Variants in CYFIP2 observed in about 807,000 individuals in gnomAD.
CYFIP2 encodes cytoplasmic FMR1 interacting protein 2.
A neutral mutation model predicts 158.7 loss-of-function variants in CYFIP2; 29 were observed. The ratio of observed to expected loss-of-function variants is 0.18; its 90% CI spans 0.14 to 0.25. The LOEUF is 0.25. Ranked by LOEUF, CYFIP2 falls within the 10% of genes least tolerant of loss-of-function variation. The pLI is 1.00. For synonymous variants in CYFIP2, 585 were observed against 617.6 expected, an observed-to-expected ratio of 0.95 and a Z score of 0.78; for missense variants, 852 against 1,639.5, an observed-to-expected ratio of 0.52 and a Z score of 8.29.
At chr5:157,352,966 C>T (rs942483524) in intron 23 of CYFIP2, among the ~76,000 whole-genome samples, 4 of 152,128 alleles carry the variant, frequency 2.6e-5, no homozygotes, top group African/African-American at 7.2e-5. Context: ...CCGGGATTGC[C>T]GCCAGCCTCC....
At chr5:157,293,966 C>A (rs550834081) in intron 3 of CYFIP2, among the ~76,000 whole-genome samples, 5 of 152,058 alleles carry the variant, frequency 3.3e-5, no homozygotes, top group Admixed American at 6.5e-5. Context: ...TTGGACCAGT[C>A]GAGTCCCAAA....
chr5:157,301,873 TAAAG>T (rs1193940202), intron 6 of CYFIP2, among the ~76,000 whole-genome samples: 6 of 152,036 alleles, frequency 3.9e-5, no homozygotes, highest in Admixed American at 3.9e-4. Flanking sequence ...GTGTCTCTGA[TAAAG>T]AGAGACCCTC....
intron 23 of CYFIP2, among the ~76,000 whole-genome samples, chr5:157,356,598 C>T (rs1030906159): frequency 2.0e-5 from 3 of 152,112 alleles, no homozygotes; most frequent in African/African-American, 4.8e-5. Context: ...CAGTTAGTCT[C>T]CTCCTCCCAC....
At chr5:157,382,543 G>GT in intron 26 of CYFIP2, 47 bp from the exon 27 acceptor site, 1 of 1,603,344 alleles carries the variant, frequency 6.2e-7, no homozygotes, top group Non-Finnish European at 8.5e-7. Flanking sequence ...AATCTTCCTG[G>GT]TTTAAAATGA....
chr5:157,319,674 C>G, intron 13 of CYFIP2, 88 bp from the exon 14 acceptor site: 3 of 1,511,594 alleles, frequency 2.0e-6, no homozygotes, highest in Non-Finnish European at 2.7e-6. Context: ...CATCTCACTC[C>G]CCGCCTCCCC....
intron 15 of CYFIP2, among the ~76,000 whole-genome samples, chr5:157,321,814 G>A (rs571230253): frequency 2.6e-5 from 4 of 152,304 alleles, no homozygotes; most frequent in Admixed American, 2.6e-4. Flanking sequence ...CCCTCTGCTA[G>A]TTTGCACCAA....
chr5:157,307,661 G>GTGTA (rs1759359616), intron 8 of CYFIP2, 100 bp from the exon 9 acceptor site: 5 of 638,664 alleles, frequency 7.8e-6, no homozygotes, highest in Middle Eastern at 2.8e-4. Context: ...GTGTGTATGT[G>GTGTA]TGTGTGTGTG....
chr5:157,268,248 G>C (rs925001895), intron 1 of CYFIP2, among the ~76,000 whole-genome samples: 14 of 152,212 alleles, frequency 9.2e-5, no homozygotes, highest in Admixed American at 1.3e-4. Flanking sequence ...GGCACCCAAG[G>C]CTGCCTTGTT....
chr5:157,286,836 G>C (rs892663194), intron 2 of CYFIP2, among the ~76,000 whole-genome samples, 183 bp from the exon 3 acceptor site: 8 of 152,150 alleles, frequency 5.3e-5, no homozygotes, highest in African/African-American at 1.9e-4. Context: ...GTCATCACCA[G>C]CTCCTGCCCA....
At chr5:157,273,432 G>C (rs1448809595) in intron 1 of CYFIP2, among the ~76,000 whole-genome samples, 1 of 152,156 alleles carries the variant, frequency 6.6e-6, no homozygotes, top group East Asian at 1.9e-4. Context: ...TATTATCTGA[G>C]AAGTCTTTAC....
At chr5:157,367,398 T>C (rs1281620355) in intron 26 of CYFIP2, among the ~76,000 whole-genome samples, 5 of 152,224 alleles carry the variant, frequency 3.3e-5, no homozygotes, top group African/African-American at 1.2e-4. Context: ...GCTCATCTAG[T>C]GCAACCTCAA....
intron 26 of CYFIP2, among the ~76,000 whole-genome samples, chr5:157,379,469 AT>A (rs1765820302): frequency 6.7e-6 from 1 of 149,794 alleles, no homozygotes; most frequent in East Asian, 1.9e-4. Context: ...ATTCCTACTT[AT>A]AAAAAAAAAC....
chr5:157,322,803 C>T (rs1258780048), intron 15 of CYFIP2: 2 of 832,352 alleles, frequency 2.4e-6, no homozygotes, highest in Non-Finnish European at 3.7e-6. Context: ...TCAGAGGTGG[C>T]CCCCGGCAGT....
At chr5:157,353,542 A>G (rs975681845) in intron 23 of CYFIP2, among the ~76,000 whole-genome samples, 2 of 152,218 alleles carry the variant, frequency 1.3e-5, no homozygotes, top group Admixed American at 1.3e-4. Context: ...ACACATAGAC[A>G]CATTAGTAGT....
chr5:157,298,138 T>A (rs1012620751), intron 5 of CYFIP2, among the ~76,000 whole-genome samples: 1 of 152,200 alleles, frequency 6.6e-6, no homozygotes, highest in African/African-American at 2.4e-5. Context: ...TCCTTCTCTT[T>A]CTTTCTTGCT....
intron 1 of CYFIP2, among the ~76,000 whole-genome samples, chr5:157,283,197 T>C (rs1757125194): frequency 6.6e-6 from 1 of 152,198 alleles, no homozygotes; most frequent in South Asian, 2.1e-4. Flanking sequence ...TGTTCATCTA[T>C]AGACTGGGAA....
intron 5 of CYFIP2, among the ~76,000 whole-genome samples, chr5:157,299,315 G>T (rs889880941): frequency 3.3e-5 from 5 of 152,054 alleles, no homozygotes; most frequent in Non-Finnish European, 7.4e-5. Context: ...CCATCTCTCT[G>T]CCTCCTTCCT....
chr5:157,389,600 G>A (rs560156073), intron 29 of CYFIP2, 173 bp downstream of exon 29: 19 of 609,250 alleles, frequency 3.1e-5, no homozygotes, highest in African/African-American at 9.2e-5. Context: ...GCCCAGTAAG[G>A]GTTTGATAGT....
intron 6 of CYFIP2, among the ~76,000 whole-genome samples, chr5:157,302,180 C>T (rs965229736): frequency 6.6e-6 from 1 of 152,154 alleles, no homozygotes. Context: ...TCTGTTTTCA[C>T]AGTTCATGAT....
Sources: gnomAD v4.1 joint callset for allele counts (sites outside exome capture counted in the v4.1 genomes callset) on GRCh38, gnomAD v4.1.1 for gene constraint, MANE v1.5 for transcripts, NCBI Gene and HGNC (gene_info 2026-07-23, HGNC 2026-07-21) for gene names.